Variants in TTC13 observed in about 807,000 individuals in gnomAD.
TTC13 encodes tetratricopeptide repeat protein 13.
TTC13 carries 62 observed loss-of-function variants against 120.0 expected under a neutral mutation model. The ratio of observed to expected loss-of-function variants is 0.52; its 90% CI spans 0.42 to 0.64. TTC13 has a LOEUF of 0.64. Among genes scored for constraint, TTC13 ranks in the 30% least tolerant of loss-of-function variants. The pLI is 0.00. For synonymous variants in TTC13, 384 were observed against 393.5 expected (o/e 0.98, Z 0.28); for missense variants, 824 against 1,050.2 (o/e 0.78, Z 2.98).
intron 14 of TTC13, among the ~76,000 whole-genome samples, chr1:230,924,479 C>T (rs574691595): frequency 7.2e-5 from 11 of 152,238 alleles, no homozygotes; most frequent in Non-Finnish European, 1.3e-4. Context: ...ACTACAGGCG[C>T]GCACCACCAC....
chr1:230,914,386 C>T (rs1423331237), intron 18 of TTC13, among the ~76,000 whole-genome samples: 1 of 144,628 alleles, frequency 6.9e-6, no homozygotes, highest in Non-Finnish European at 1.5e-5. Flanking sequence ...GTATATTTTC[C>T]TTATTATTTT....
At chr1:230,925,113 C>G in intron 13 of TTC13, 140 bp from the exon 14 acceptor site, 1 of 1,085,034 alleles carries the variant, frequency 9.2e-7, no homozygotes, top group Non-Finnish European at 1.3e-6. Flanking sequence ...ACCCAAGGCA[C>G]GTTTCAGTCA....
In TTC13 at chr1:230,907,001, C is replaced by A; in HGVS notation, c.2487G>T (p.Lys829Asn). 1 of 1,519,298 alleles carries A rather than the reference C, an allele frequency of 6.6e-7. No individual in the cohort carries two copies. The highest frequency in any genetic ancestry group is 1.3e-5 in the South Asian group (1 of 78,374). The allele number at this position is 1,519,298 out of a possible 1,614,324, so 94.1% of individuals were successfully genotyped here. Residue 829 changes from lysine (K) to asparagine (N), a missense_variant, in exon 23 of 23, where the codon AAG (lysine) becomes AAT (asparagine). Around this residue, in one of 4 missense-constraint regions of TTC13, gnomAD observed 226 missense variants for 259.1 expected, o/e 0.87. Transcript: ENST00000366661. Reference protein sequence around the residue: ...MNLKSISPSYKTLPSVSETFP... With the variant: ...MNLKSISPSYNTLPSVSETFP... ...ACGTTTCTGATACTGATGGAAGAGT[C>A]TTATAAGAAGGTGAAATACTGAAAA...
chr1:230,907,960 G>A (rs1671097221), intron 22 of TTC13, among the ~76,000 whole-genome samples: 1 of 142,908 alleles, frequency 7.0e-6, no homozygotes, highest in Non-Finnish European at 1.5e-5. Flanking sequence ...ATCATGGTCT[G>A]CTAGACTCCT....
intron 1 of TTC13, among the ~76,000 whole-genome samples, chr1:230,968,605 G>T (rs896011227): frequency 3.3e-5 from 5 of 152,176 alleles, no homozygotes; most frequent in Non-Finnish European, 7.3e-5. Context: ...CAGTTAAAAT[G>T]AGCAAAGTCT....
At chr1:230,951,944 G>A (rs756451909) in intron 4 of TTC13, among the ~76,000 whole-genome samples, 7 of 152,162 alleles carry the variant, frequency 4.6e-5, no homozygotes, top group African/African-American at 1.7e-4. Flanking sequence ...ACTGGCTATC[G>A]AGAATTTGAT....
intron 7 of TTC13, 110 bp from the exon 8 acceptor site, chr1:230,939,606 T>G (rs1674371692): frequency 1.6e-6 from 1 of 621,966 alleles, no homozygotes; most frequent in Non-Finnish European, 2.7e-6. Flanking sequence ...CCTCTGCCCT[T>G]TTTGGCTTTA....
chr1:230,968,083 T>C (rs1196145154), intron 1 of TTC13, among the ~76,000 whole-genome samples: 1 of 151,922 alleles, frequency 6.6e-6, no homozygotes, highest in East Asian at 1.9e-4. Flanking sequence ...CATTCACAAC[T>C]GACACTTGCA....
rs901353914 is a variant in TTC13, at chr1:230,944,254, C to G, written c.580-356G>C. On this transcript the variant is annotated intron_variant, in intron 5 of 22. Coordinates refer to ENST00000366661, the MANE Select transcript of TTC13 (RefSeq NM_024525.5). The surrounding 1 kb of genome is among the most constrained non-coding windows in gnomAD (Gnocchi z 4.0). ...ATGAAATGAGGCTGACCTGTGGCAA[C>G]AGGGGAACAGAAATGGGTCAAGACA... is the stretch of plus-strand genomic sequence containing the variant. Among the ~76,000 whole-genome samples the G allele has an allele frequency of 2.0e-4, 30 of 152,144 alleles. No homozygotes were observed. The highest frequency in any genetic ancestry group is 7.0e-4 in the African/African-American group (29 of 41,436).
At chr1:230,919,675 C>G (rs1672384402) in intron 17 of TTC13, among the ~76,000 whole-genome samples, 2 of 152,196 alleles carry the variant, frequency 1.3e-5, no homozygotes, top group South Asian at 4.1e-4. Context: ...TTAGGGCAGT[C>G]TATTTAGAAA....
At chr1:230,932,916 C>T (rs745828572) in intron 9 of TTC13, among the ~76,000 whole-genome samples, 10 of 152,182 alleles carry the variant, frequency 6.6e-5, no homozygotes, top group Non-Finnish European at 1.0e-4. Context: ...CAAGGCAGAA[C>T]TAAGTCATGA....
chr1:230,930,413 G>A (rs1673429833), intron 11 of TTC13, among the ~76,000 whole-genome samples: 1 of 151,766 alleles, frequency 6.6e-6, no homozygotes, highest in African/African-American at 2.4e-5. Flanking sequence ...ATTTTGGACA[G>A]TCATGGTATA....
At chr1:230,936,672 C>G (rs73107849) in intron 8 of TTC13, 1 of 121,136 alleles carries the variant, frequency 8.3e-6, no homozygotes, top group Non-Finnish European at 1.8e-5. Flanking sequence ...ATACTTCTAA[C>G]GTATTACATC....
At chr1:230,911,824 A>G (rs1671536282) in intron 19 of TTC13, among the ~76,000 whole-genome samples, 1 of 152,234 alleles carries the variant, frequency 6.6e-6, no homozygotes, top group Non-Finnish European at 1.5e-5. Context: ...ACGTTATTTG[A>G]AATGTCAAAA....
intron 11 of TTC13, 29 bp downstream of exon 11, chr1:230,931,269 T>G: frequency 6.2e-7 from 1 of 1,606,732 alleles, no homozygotes; most frequent in East Asian, 2.2e-5. Flanking sequence ...AGCATGAAAA[T>G]CCAACAATTC....
In TTC13 at chr1:230,971,261, G is replaced by A. The variant is rs535502088; in HGVS notation, c.271+7299C>T. Among the ~76,000 whole-genome samples, 20 of 146,200 alleles carry A rather than the reference G, an allele frequency of 1.4e-4. No individual in the cohort carries two copies. The South Asian group carries it at 4.4e-3, about 32-fold the overall frequency. On this transcript the variant is annotated intron_variant, in intron 1 of 22. Coordinates refer to ENST00000366661, the MANE Select transcript of TTC13 (RefSeq NM_024525.5). ...CTCGGGAGGCTGAGGCAGGAGAATG[G>A]CATGGACCCAGGAGGCAGAGCTTGC... is the stretch of plus-strand genomic sequence containing the variant.
rs199610259 is a variant in TTC13 at position 230,943,940 on chromosome 1, A to G, written c.580-42T>C. On this transcript the variant is annotated intron_variant, in intron 5 of 22. Coordinates refer to ENST00000366661, the MANE Select transcript of TTC13 (RefSeq NM_024525.5). ...CTTAGTATGAGACATACTGTTACTCAAAACCAGGCTGAAAAAATTTTCTGA... is the reference window on the plus strand; with the variant it reads ...CTTAGTATGAGACATACTGTTACTCGAAACCAGGCTGAAAAAATTTTCTGA... 1.2e-4 allele frequency: 171 copies of G among 1,461,782 alleles called. No homozygotes were observed. In the African/African-American group the frequency reaches 2.2e-3, roughly 19 times the overall value. The allele number at this position is 1,461,782 out of a possible 1,614,324, so 90.6% of individuals were successfully genotyped here.
intron 4 of TTC13, among the ~76,000 whole-genome samples, chr1:230,947,447 G>T (rs1675104952): frequency 6.6e-6 from 1 of 152,142 alleles, no homozygotes; most frequent in South Asian, 2.1e-4. Context: ...AGCCCAGTGA[G>T]CTCATCCTCT....
Position 230,917,260 on chromosome 1 carries a change from A to G in TTC13, c.1984-958T>C, listed in dbSNP as rs184344017. On this transcript the variant is annotated intron_variant, in intron 17 of 22. Coordinates refer to ENST00000366661, the MANE Select transcript of TTC13 (RefSeq NM_024525.5). ...AATTCTCATCTAATCCTCACAACAT[A>G]CTGATAGCACTAGGTATGGTCTCAA... Among the ~76,000 whole-genome samples the G allele has an allele frequency of 2.1e-3, 321 of 152,282 alleles. 2 individuals carry two copies. Among genetic ancestry groups the G allele is most frequent in the Admixed American group, 4.6e-3 (71 of 15,300 alleles).
Sources: gnomAD v4.1 joint callset for allele counts (sites outside exome capture counted in the v4.1 genomes callset) on GRCh38, gnomAD v4.1.1 for gene constraint, gnomAD v4.1.1 regional missense constraint, Gnocchi (gnomAD v3.1) non-coding constraint, MANE v1.5 for transcripts, NCBI Gene and HGNC (gene_info 2026-07-23, HGNC 2026-07-21) for gene names.